The following IPPK variants were observed in gnomAD, a reference collection of about 807,000 sequenced individuals.
IPPK encodes IPK1 homolog.
IPPK carries 22 observed loss-of-function variants against 64.6 expected under a neutral mutation model. That is an observed-to-expected ratio of 0.34 (90% confidence interval 0.24 to 0.49). The LOEUF (loss-of-function observed/expected upper bound fraction) is 0.49, where lower values mean the gene tolerates loss of function less well. Among genes scored for constraint, IPPK ranks in the 20% least tolerant of loss-of-function variants. The pLI, the probability that IPPK is intolerant of heterozygous loss-of-function variation, is 0.99. For missense variants in IPPK, 532 were observed against 630.7 expected, an observed-to-expected ratio of 0.84 and a Z score of 1.68; for synonymous variants, 262 against 247.2, an observed-to-expected ratio of 1.06 and a Z score of -0.56.
intron 12 of IPPK, chr9:92,619,227 T>C (rs1371360815): frequency 1.1e-5 from 5 of 438,640 alleles, no homozygotes; most frequent in African/African-American, 5.9e-5. Context: ...CTTGGGAGTA[T>C]TTTCTTAGAA....
Position 92,615,739 on chromosome 9 carries a change from T to A in IPPK, c.*93A>T. The A allele has an allele frequency of 9.3e-7, 1 of 1,075,892 alleles. No homozygotes were observed. The highest frequency in any genetic ancestry group is 1.4e-6 in the Non-Finnish European group (1 of 724,348). The allele number at this position is 1,075,892 out of a possible 1,614,324, so 66.6% of individuals were successfully genotyped here. ...CAAAAGGGGTTAAAAGCAAAAACAT[T>A]CACAACCAAAGGTCACCCAACACAA... On this transcript the variant is annotated 3_prime_UTR_variant, in exon 13 of 13. Transcript: ENST00000287996.
chr9:92,656,798 C>T (rs537191748), intron 2 of IPPK, among the ~76,000 whole-genome samples: 3 of 152,304 alleles, frequency 2.0e-5, no homozygotes, highest in Middle Eastern at 3.4e-3. Flanking sequence ...GTCTGAGGAC[C>T]GCACTGCTGC....
intron 11 of IPPK, chr9:92,619,971 G>A (rs528698831): frequency 2.3e-5 from 5 of 215,806 alleles, no homozygotes; most frequent in South Asian, 1.7e-4. Context: ...CAAGGAGAGC[G>A]CAGGGGGTGT....
rs1564024306 is a variant in IPPK at position 92,615,873 on chromosome 9, T to C, written c.1435A>G (p.Lys479Glu). 1 of 1,614,194 alleles carries C rather than the reference T, an allele frequency of 6.2e-7. No homozygotes were observed. Among genetic ancestry groups the C allele is most frequent in the Admixed American group, 1.7e-5 (1 of 60,034 alleles). The change falls in exon 13 of 13, where the codon AAG becomes GAG. Residue 479 changes from lysine (K) to glutamate (E), a missense_variant. Coordinates refer to ENST00000287996, the MANE Select transcript of IPPK (RefSeq NM_022755.6). Reference protein sequence around the residue: ...KDNAVMSTRFKESEDCTLVLH... With the variant: ...KDNAVMSTRFEESEDCTLVLH... ...ACTAATGTGCAATCTTCGCTTTCCT[T>C]GAACCGAGTCGACATCACGGCGTTG... is the stretch of plus-strand genomic sequence containing the variant.
chr9:92,638,298 A>G lies in IPPK; in HGVS notation c.637-18T>C. ...TCACCATTCTTCAGACAGGGAAAAG[A>G]AAGAGGGAAACGTCAAACCACCAAG... On this transcript the variant is annotated intron_variant, in intron 8 of 12. Transcript: ENST00000287996. The G allele has an allele frequency of 6.2e-7, 1 of 1,605,890 alleles. No homozygotes were observed. The highest frequency in any genetic ancestry group is 1.7e-5 in the Admixed American group (1 of 59,610).
rs1468460419 is a variant in IPPK at position 92,656,493 on chromosome 9, A to G, written c.188T>C (p.Met63Thr). ...QNIVDFGKNV[M>T]KEFLGENYVH... is the part of the protein sequence containing the mutation. ...ATAGTTCTCCCCCAAAAACTCCTTC[A>G]TGACATTTTTCCCAAAGTCCACTAT... Residue 63 changes from methionine (M) to threonine (T), a missense_variant, in exon 3 of 13, where the codon ATG (methionine) becomes ACG (threonine). By Grantham distance (81) the Met-to-Thr change is moderately conservative. Coordinates refer to ENST00000287996, the MANE Select transcript of IPPK (RefSeq NM_022755.6). 6 of 1,613,498 alleles carry G rather than the reference A, an allele frequency of 3.7e-6. No homozygotes were observed. Among genetic ancestry groups the G allele is most frequent in the African/African-American group, 1.3e-5 (1 of 74,930 alleles).
chr9:92,613,221 T>A lies in IPPK; in HGVS notation c.*2611A>T. On this transcript the variant is annotated 3_prime_UTR_variant, in exon 13 of 13. Coordinates refer to ENST00000287996, the MANE Select transcript of IPPK (RefSeq NM_022755.6). ...ATGCAATTTTATTCAATATAAACAT[T>A]TGCTATTTTCTGCTTAGAAACCACA... 1 of 1,593,642 alleles carries A rather than the reference T, an allele frequency of 6.3e-7. No homozygotes were observed. The highest frequency in any genetic ancestry group is 1.1e-5 in the South Asian group (1 of 90,160).
At chr9:92,654,242 A>G (rs7020104) in intron 3 of IPPK, among the ~76,000 whole-genome samples, 50,554 of 152,140 alleles carry the variant, frequency 0.33, 10,167 homozygotes, top group African/African-American at 0.55. Context: ...GCTGGCCTGG[A>G]GCAGTGGTTC....
At chr9:92,651,369 G>T (rs1313569178) in intron 4 of IPPK, among the ~76,000 whole-genome samples, 1 of 152,230 alleles carries the variant, frequency 6.6e-6, no homozygotes, top group Admixed American at 6.5e-5. Context: ...AAGGCCACCA[G>T]CAAGTGCAGA....
At chr9:92,649,616 G>C in intron 4 of IPPK, 42 bp from the exon 5 acceptor site, 5 of 1,610,082 alleles carry the variant, frequency 3.1e-6, no homozygotes, top group Non-Finnish European at 4.2e-6. Flanking sequence ...AGGTCAGTGA[G>C]AGAGATGAGA....
rs112166459 is a variant in IPPK at position 92,629,536 on chromosome 9, G to T, written c.1170+4850C>A. ...GGAGGCCGAGGTGGGTGGATCACTT[G>T]AGCTCAGGAGTTCAAGACCAGCCTG... On this transcript the variant is annotated intron_variant, in intron 11 of 12. Coordinates refer to ENST00000287996, the MANE Select transcript of IPPK (RefSeq NM_022755.6). Among the ~76,000 whole-genome samples the T allele has an allele frequency of 1.4e-3, 212 of 152,214 alleles. 2 individuals carry two copies. The highest frequency in any genetic ancestry group is 5.0e-3 in the African/African-American group (207 of 41,538).
chr9:92,667,259 C>A (rs1372147148), intron 1 of IPPK, among the ~76,000 whole-genome samples: 2 of 152,236 alleles, frequency 1.3e-5, no homozygotes, highest in African/African-American at 4.8e-5. Context: ...CCACACCCGG[C>A]TGGAAGGAGG....
At chr9:92,658,763 T>A (rs1396985400) in intron 1 of IPPK, 82 bp from the exon 2 acceptor site, 10 of 1,258,476 alleles carry the variant, frequency 7.9e-6, no homozygotes, top group Middle Eastern at 2.0e-4. Context: ...GGTCCCATCC[T>A]CAGTGGACAA....
At chr9:92,640,893 G>A in intron 7 of IPPK, 111 bp from the exon 8 acceptor site, 1 of 775,916 alleles carries the variant, frequency 1.3e-6, no homozygotes, top group Non-Finnish European at 2.3e-6. Flanking sequence ...AGGGGCCGCT[G>A]GGAAACCCAG....
At chr9:92,624,043 A>G (rs74696514) in intron 11 of IPPK, among the ~76,000 whole-genome samples, 2 of 152,244 alleles carry the variant, frequency 1.3e-5, no homozygotes, top group East Asian at 3.8e-4. Flanking sequence ...CAAACAATGT[A>G]TAACAAAACT....
chr9:92,617,775 G>C (rs1422534355), intron 12 of IPPK: 1 of 178,252 alleles, frequency 5.6e-6, no homozygotes, highest in Admixed American at 5.5e-5. Flanking sequence ...GGAGCATCAG[G>C]GTTTAGGCCG....
chr9:92,656,592 T>TC (rs1852378643), intron 2 of IPPK, 41 bp from the exon 3 acceptor site: 1 of 1,323,556 alleles, frequency 7.6e-7, no homozygotes, highest in Non-Finnish European at 1.1e-6. Context: ...TGATGGGACC[T>TC]CCCAACAGAG....
chr9:92,646,657 T>G (rs748223521), intron 6 of IPPK, among the ~76,000 whole-genome samples: 1 of 152,146 alleles, frequency 6.6e-6, no homozygotes, highest in Admixed American at 6.5e-5. Flanking sequence ...AACCTAACTT[T>G]CTACAATAAA....
rs759548528 is a variant in IPPK, at chr9:92,638,166, G to A, written c.751C>T (p.Pro251Ser). The stretch of plus-strand genomic sequence containing the variant: ...CTGATCACAGCCCTTGTGCAGTGGG[G>A]CCCACTGGCCAGGCCGTTGGAAGGG... ...FFPSNGLASG[P>S]HCTRAVIREL... The change falls in exon 9 of 13, where the codon CCC becomes TCC. Residue 251 changes from proline to serine, a missense_variant. Coordinates refer to ENST00000287996, the MANE Select transcript of IPPK (RefSeq NM_022755.6). 4 of 1,614,258 alleles carry A rather than the reference G, an allele frequency of 2.5e-6. No homozygotes were observed. The highest frequency in any genetic ancestry group is 2.2e-5 in the East Asian group (1 of 44,886).
Sources: gnomAD v4.1 joint callset for allele counts (sites outside exome capture counted in the v4.1 genomes callset) on GRCh38, gnomAD v4.1.1 for gene constraint, MANE v1.5 for transcripts, NCBI Gene and HGNC (gene_info 2026-07-23, HGNC 2026-07-21) for gene names.